VIPR2: variants seen among roughly 807,000 people sequenced by gnomAD.
VIPR2 encodes vasoactive intestinal peptide receptor 2, also known as vasoactive intestinal polypeptide receptor 2.
VIPR2 carries 48 observed loss-of-function variants against 58.0 expected under a neutral mutation model. The observed-to-expected ratio is 0.83, with a 90% CI of 0.66 to 1.05. The LOEUF is 1.05. VIPR2 is among the 50% of genes least tolerant of loss of function. The pLI, the probability that VIPR2 is intolerant of heterozygous loss-of-function variation, is 0.00. For synonymous variants in VIPR2, 243 were observed against 235.2 expected, an observed-to-expected ratio of 1.03 and a Z score of -0.30; for missense variants, 534 against 558.0, an observed-to-expected ratio of 0.96 and a Z score of 0.43.
intron 1 of VIPR2, 149 bp downstream of exon 1, chr7:159,144,572 G>A: frequency 7.0e-7 from 1 of 1,425,444 alleles, no homozygotes; most frequent in Non-Finnish European, 9.3e-7. Context: ...AGGAAGCTCC[G>A]GACCCCGGGC....
intron 4 of VIPR2, among the ~76,000 whole-genome samples, chr7:159,063,841 G>A (rs868080589): frequency 8.5e-5 from 8 of 94,388 alleles, no homozygotes; most frequent in African/African-American, 3.9e-4. Context: ...TCCTGGTGGG[G>A]TCTGGGGGGC....
At chr7:159,130,398 G>A (rs117054573) in intron 2 of VIPR2, among the ~76,000 whole-genome samples, 2,151 of 152,242 alleles carry the variant, frequency 0.014, 33 homozygotes, top group Admixed American at 0.033. Flanking sequence ...AACTTCCCCA[G>A]TTACCCCTGC....
At chr7:159,046,892 C>A (rs1854685020) in intron 5 of VIPR2, among the ~76,000 whole-genome samples, 1 of 152,170 alleles carries the variant, frequency 6.6e-6, no homozygotes, top group Non-Finnish European at 1.5e-5. Context: ...TGAAAATTTT[C>A]ATTTAAGCCA....
intron 4 of VIPR2, among the ~76,000 whole-genome samples, chr7:159,063,304 C>G (rs567471021): frequency 1.3e-5 from 2 of 152,214 alleles, no homozygotes; most frequent in South Asian, 4.1e-4. Context: ...GCTGAGGCCC[C>G]GCGAGAATTC....
chr7:159,030,709 G>C lies in VIPR2; in HGVS notation c.1224C>G (p.Ser408=). ...CCTCCGAGCCGTTGCGGGAGAAGGA[G>C]GAACCGCAGACCCTGTAATCCCGGC... ...SASRDYRVCG[S]SFSRNGSEGA... Residue 408 remains serine (S), a synonymous_variant, in exon 13 of 13, where the codon TCC becomes TCG. Coordinates refer to ENST00000262178, the MANE Select transcript of VIPR2 (RefSeq NM_003382.5). The C allele has an allele frequency of 6.3e-7, 1 of 1,591,996 alleles. No homozygotes were observed. The highest frequency in any genetic ancestry group is 2.3e-5 in the East Asian group (1 of 43,856).
At chr7:159,043,413 C>T (rs910605579) in intron 5 of VIPR2, among the ~76,000 whole-genome samples, 9 of 152,106 alleles carry the variant, frequency 5.9e-5, no homozygotes, top group African/African-American at 2.2e-4. Flanking sequence ...GATGAAGAAA[C>T]GTTTTTAGCA....
chr7:159,075,163 T>A (rs531296371), intron 4 of VIPR2, among the ~76,000 whole-genome samples: 6 of 152,176 alleles, frequency 3.9e-5, no homozygotes, highest in Non-Finnish European at 8.8e-5. Context: ...TAAATAAGAA[T>A]AAAAATGGAG....
chr7:159,031,733 G>C lies in VIPR2; in HGVS notation c.1143+95C>G. ...CGGGCAGTAACTCGAGCCCGCGGAA[G>C]ACAGGCATGTGTGGGGGCTGCGGCA... On this transcript the variant is annotated intron_variant, in intron 12 of 12. Coordinates refer to ENST00000262178, the MANE Select transcript of VIPR2 (RefSeq NM_003382.5). This position sits in a 1 kb window ranked among gnomAD's most constrained non-coding sequence, Gnocchi z 4.0. 1 of 1,604,546 alleles carries C rather than the reference G, an allele frequency of 6.2e-7. No homozygotes were observed.
At chr7:159,117,509 T>C in intron 2 of VIPR2, 1 of 686,126 alleles carries the variant, frequency 1.5e-6, no homozygotes, top group Non-Finnish European at 2.7e-6. Context: ...CCTGCTGACC[T>C]GAGTCATGGA....
intron 4 of VIPR2, among the ~76,000 whole-genome samples, chr7:159,077,896 C>A (rs1356993472): frequency 6.6e-6 from 1 of 152,220 alleles, no homozygotes; most frequent in Admixed American, 6.5e-5. Context: ...CTTTTTCCTC[C>A]AATGTCTGGC....
intron 2 of VIPR2, among the ~76,000 whole-genome samples, chr7:159,123,983 A>C (rs921293565): frequency 4.0e-5 from 6 of 151,778 alleles, no homozygotes; most frequent in Non-Finnish European, 8.8e-5. Context: ...TCCTCTGCCT[A>C]CTCTTTAATA....
intron 2 of VIPR2, among the ~76,000 whole-genome samples, chr7:159,140,078 TTTTTG>T (rs200566692): frequency 2.6e-4 from 30 of 117,402 alleles, no homozygotes; most frequent in Admixed American, 1.1e-3. Flanking sequence ...TGTTTTTTTG[TTTTTG>T]TTTTTTTTTT....
intron 2 of VIPR2, among the ~76,000 whole-genome samples, chr7:159,133,026 T>TGATTGGCATACC (rs1554520293): frequency 1.1e-4 from 10 of 88,682 alleles, no homozygotes; most frequent in South Asian, 4.0e-4. Flanking sequence ...TCAGACAGAA[T>TGATTGGCATACC]GATTCCAAAA....
chr7:159,122,731 CTAAT>C (rs1796501349), intron 2 of VIPR2, among the ~76,000 whole-genome samples: 1 of 152,212 alleles, frequency 6.6e-6, no homozygotes, highest in African/African-American at 2.4e-5. Context: ...TGTAGAAAAA[CTAAT>C]TATCTTCATT....
chr7:159,058,740 C>CA (rs1258926630), intron 4 of VIPR2, among the ~76,000 whole-genome samples, 162 bp from the exon 5 acceptor site: 2 of 152,172 alleles, frequency 1.3e-5, no homozygotes, highest in Non-Finnish European at 2.9e-5. Flanking sequence ...CATTTTGAAC[C>CA]AAAAAATGAC....
intron 2 of VIPR2, among the ~76,000 whole-genome samples, chr7:159,110,528 C>T (rs1795955024): frequency 6.6e-6 from 1 of 152,140 alleles, no homozygotes; most frequent in Non-Finnish European, 1.5e-5. Flanking sequence ...CACTAAGGTT[C>T]AAATCTTTTA....
chr7:159,062,789 C>G (rs1482216486), intron 4 of VIPR2, among the ~76,000 whole-genome samples: 1 of 152,238 alleles, frequency 6.6e-6, no homozygotes, highest in Non-Finnish European at 1.5e-5. Context: ...ATTCCCTTAT[C>G]TGGCCCCACC....
intron 4 of VIPR2, among the ~76,000 whole-genome samples, chr7:159,089,414 G>A (rs1857339313): frequency 7.8e-6 from 1 of 128,540 alleles, no homozygotes; most frequent in Non-Finnish European, 1.6e-5. Context: ...AATGGGAATA[G>A]CCTCAGGCCT....
At chr7:159,140,687 C>T (rs1168492297) in intron 2 of VIPR2, among the ~76,000 whole-genome samples, 1 of 152,238 alleles carries the variant, frequency 6.6e-6, no homozygotes. Context: ...CTGCGAGGGG[C>T]TCTCGGGCCT....
Sources: allele counts gnomAD v4.1 joint callset (sites outside exome capture counted in the v4.1 genomes callset), GRCh38; gene constraint gnomAD v4.1.1; non-coding constraint Gnocchi (gnomAD v3.1); transcripts MANE v1.5; gene names NCBI Gene and HGNC (gene_info 2026-07-23, HGNC 2026-07-21).